The following RBM4 variants were observed in gnomAD, a reference collection of about 807,000 sequenced individuals.
RBM4 encodes RNA binding motif protein 4.
RBM4 carries 7 observed loss-of-function variants against 29.5 expected under a neutral mutation model. The observed-to-expected ratio is 0.24, with a 90% CI of 0.14 to 0.45. RBM4 has a LOEUF of 0.45. RBM4 is among the 20% of genes least tolerant of loss of function. The probability of loss-of-function intolerance (pLI) is 1.00; values close to 1 mark genes in which losing one functional copy is unlikely to be tolerated. For missense variants in RBM4, 387 were observed against 502.3 expected, an observed-to-expected ratio of 0.77 and a Z score of 2.19; for synonymous variants, 220 against 205.4, an observed-to-expected ratio of 1.07 and a Z score of -0.61.
intron 3 of RBM4, chr11:66,644,601 C>T (rs1938610621): frequency 1.3e-6 from 1 of 790,714 alleles, no homozygotes; most frequent in Admixed American, 5.5e-5. Context: ...TGATAAAGTC[C>T]ATAACTGTAG....
Position 66,660,040 on chromosome 11 carries a change from C to T in RBM4, c.413-5816C>T, listed in dbSNP as rs11227562. On this transcript the variant is annotated intron_variant, in intron 2 of 2. Coordinates refer to the RBM4 transcript ENST00000396053. ...CTCTGTCACACTTTATTATCTCAGGCCCTTTTCCCTGCTTATCTATCCTTT... is the reference window on the plus strand; with the variant it reads ...CTCTGTCACACTTTATTATCTCAGGTCCTTTTCCCTGCTTATCTATCCTTT... Among the ~76,000 whole-genome samples, 852 of 152,196 alleles carry T rather than the reference C, an allele frequency of 5.6e-3. 63 individuals are homozygous for T. In the East Asian group the frequency reaches 0.14, roughly 25 times the overall value.
intron 2 of RBM4, among the ~76,000 whole-genome samples, chr11:66,653,754 C>T (rs1938882663): frequency 6.6e-6 from 1 of 151,934 alleles, no homozygotes; most frequent in Admixed American, 6.6e-5. Context: ...CAGTCAACAG[C>T]AGGCTACTAA....
chr11:66,641,325 C>T (rs1938453557), intron 2 of RBM4: 1 of 152,068 alleles, frequency 6.6e-6, no homozygotes, highest in Non-Finnish European at 1.5e-5. Flanking sequence ...TTAAATTGGG[C>T]TTTTTTAGAG....
At chr11:66,660,583 CCTT>C (rs972963125) in intron 2 of RBM4, among the ~76,000 whole-genome samples, 5 of 151,590 alleles carry the variant, frequency 3.3e-5, no homozygotes, top group African/African-American at 1.2e-4. Context: ...CTCAGGTGAT[CCTT>C]CTACCTCGGC....
intron 3 of RBM4, 120 bp downstream of exon 3, chr11:66,644,260 G>T (rs1286670659): frequency 7.3e-7 from 1 of 1,363,242 alleles, no homozygotes; most frequent in Non-Finnish European, 9.8e-7. Context: ...AGGTTACTAG[G>T]ATGGCTCACA....
At chr11:66,666,050 A>G in exon 3 of RBM4, 1 of 1,213,654 alleles carries the variant, frequency 8.2e-7, no homozygotes, top group Non-Finnish European at 1.1e-6. Flanking sequence ...AATGATGGTC[A>G]CAAGGGGTAG....
At chr11:66,666,078 A>C (rs1182947793) in exon 3 of RBM4, 1 of 985,958 alleles carries the variant, frequency 1.0e-6, no homozygotes, top group Non-Finnish European at 1.5e-6. Context: ...AGGAGCAGCC[A>C]GTCATTCACC....
rs985479559 is a variant in RBM4 at position 66,665,505 on chromosome 11, C to T, written c.413-351C>T. ...GAAACATGAAGCAATGGAAACATCC[C>T]GGCAAAGGGGACCGCGCGGAGCAAG... On this transcript the variant is annotated intron_variant, in intron 2 of 2. Transcript: ENST00000396053. The T allele has an allele frequency of 4.3e-5, 50 of 1,170,732 alleles. No individual in the cohort carries two copies. In the Admixed American group the frequency reaches 9.0e-4, roughly 21 times the overall value. 72.5% of individuals were successfully genotyped at this position (1,170,732 alleles called of 1,614,324 possible).
Position 66,643,409 on chromosome 11 carries a change from C to G in RBM4, c.413-41C>G, listed in dbSNP as rs1358694393. 2 of 1,568,110 alleles carry G rather than the reference C, an allele frequency of 1.3e-6. No homozygotes were observed. The highest frequency in any genetic ancestry group is 1.7e-5 in the Admixed American group (1 of 57,408). The stretch of plus-strand genomic sequence containing the variant: ...TCTGGGGTAGGGGCTGGGGCTATGA[C>G]TAAGAGTGATAGCAACCCTTCTTGC... On this transcript the variant is annotated intron_variant, in intron 2 of 3. Coordinates refer to ENST00000310092, the MANE Select transcript of RBM4 (RefSeq NM_002896.4). This position sits in a 1 kb window ranked among gnomAD's most constrained non-coding sequence, Gnocchi z 6.1.
chr11:66,663,564 CGTGATTCGTGTGCCTT>C (rs1382874753), intron 2 of RBM4, among the ~76,000 whole-genome samples: 2 of 152,006 alleles, frequency 1.3e-5, no homozygotes, highest in African/African-American at 4.8e-5. Flanking sequence ...CTCCTGACCT[CGTGATTCGTGTGCCTT>C]GGCCTCCCAA....
chr11:66,653,589 T>G (rs933129177), intron 2 of RBM4, among the ~76,000 whole-genome samples: 1 of 152,178 alleles, frequency 6.6e-6, no homozygotes, highest in Admixed American at 6.5e-5. Flanking sequence ...CTCGAACTCT[T>G]GACCTCAGGT....
At chr11:66,658,404 C>G (rs1284942900) in intron 2 of RBM4, among the ~76,000 whole-genome samples, 1 of 121,112 alleles carries the variant, frequency 8.3e-6, no homozygotes, top group Non-Finnish European at 1.6e-5. Flanking sequence ...CTCAGAGATT[C>G]CCTGAAATCA....
chr11:66,643,920 GCTGTTACTGCAGCTTCCACTT>G lies in RBM4; in HGVS notation c.885_905del (p.Val296_Ser302del). Reference sequence around the variant, plus strand: ...TGCTGCTGCAGCAGCAGCCGCTGCTGCTGTTACTGCAGCTTCCACTTCATATTACGGGCGGGATCGGAGCCC... The same window carrying G: ...TGCTGCTGCAGCAGCAGCCGCTGCTGCATATTACGGGCGGGATCGGAGCCC... On this transcript the variant is annotated inframe_deletion, in exon 3 of 4. Transcript: ENST00000310092. The surrounding 1 kb of genome is among the most constrained non-coding windows in gnomAD (Gnocchi z 6.1). 1.9e-6 allele frequency: 3 copies of G among 1,613,268 alleles called. No individual in the cohort carries two copies. Among genetic ancestry groups the G allele is most frequent in the Non-Finnish European group, 2.5e-6 (3 of 1,179,844 alleles).
At chr11:66,655,468 T>C (rs553307069) in intron 2 of RBM4, among the ~76,000 whole-genome samples, 1 of 152,052 alleles carries the variant, frequency 6.6e-6, no homozygotes, top group African/African-American at 2.4e-5. Context: ...TTCTTGTAGA[T>C]ACAGGGTTTC....
chr11:66,648,869 TTC>T (rs1938765728), downstream of RBM4, among the ~76,000 whole-genome samples: 1 of 151,568 alleles, frequency 6.6e-6, no homozygotes, highest in Non-Finnish European at 1.5e-5. Flanking sequence ...CATTTTTGCT[TTC>T]TGCTTTGAGA....
At chr11:66,647,015 G>C (rs1353072467), downstream of RBM4, among the ~76,000 whole-genome samples, 1 of 152,160 alleles carries the variant, frequency 6.6e-6, no homozygotes, top group Non-Finnish European at 1.5e-5. Context: ...CTCATTACTT[G>C]GGTTTACAGC....
At chr11:66,656,736 C>T (rs1467102907) in intron 2 of RBM4, among the ~76,000 whole-genome samples, 1 of 152,142 alleles carries the variant, frequency 6.6e-6, no homozygotes, top group African/African-American at 2.4e-5. Context: ...TCTCGGTTCA[C>T]TGCAATCTCC....
At chr11:66,648,015 C>G (rs571548002), downstream of RBM4, among the ~76,000 whole-genome samples, 32 of 152,014 alleles carry the variant, frequency 2.1e-4, no homozygotes, top group Admixed American at 7.9e-4. Context: ...CCATCCTGAC[C>G]AACATGGTGA....
Position 66,661,564 on chromosome 11 carries a change from C to G in RBM4, c.413-4292C>G, listed in dbSNP as rs180993523. On this transcript the variant is annotated intron_variant, in intron 2 of 2. Transcript: ENST00000396053. ...CATATGCCTCATTCATCACCATGTT[C>G]CCACATCCTAGCTCATAGTAGGAAT... Among the ~76,000 whole-genome samples, 23 of 152,296 alleles carry G rather than the reference C, an allele frequency of 1.5e-4. No homozygotes were observed. In the East Asian group the frequency reaches 4.4e-3, roughly 29 times the overall value.
Sources: allele counts gnomAD v4.1 joint callset (sites outside exome capture counted in the v4.1 genomes callset), GRCh38; gene constraint gnomAD v4.1.1; non-coding constraint Gnocchi (gnomAD v3.1); transcripts MANE v1.5; gene names NCBI Gene and HGNC (gene_info 2026-07-23, HGNC 2026-07-21).